The following ATP13A4 variants were observed in gnomAD, a reference collection of about 807,000 sequenced individuals.
ATP13A4 encodes the protein probable cation-transporting ATPase 13A4.
Under a neutral mutation model 142.5 loss-of-function variants are expected in ATP13A4, and 114 were observed. The ratio of observed to expected loss-of-function variants is 0.80; its 90% CI spans 0.69 to 0.93. The LOEUF is 0.93. ATP13A4 is among the 40% of genes least tolerant of loss of function. The pLI, the probability that ATP13A4 is intolerant of heterozygous loss-of-function variation, is 0.00. For synonymous variants in ATP13A4, 488 were observed against 514.8 expected (o/e 0.95, Z 0.70); for missense variants, 1,392 against 1,454.0 (o/e 0.96, Z 0.69).
At chr3:193,495,973 C>T (rs1720201963) in intron 3 of ATP13A4, among the ~76,000 whole-genome samples, 1 of 152,042 alleles carries the variant, frequency 6.6e-6, no homozygotes, top group South Asian at 2.1e-4. Flanking sequence ...TTGGCAATGG[C>T]TACAAAAAAA....
intron 8 of ATP13A4, among the ~76,000 whole-genome samples, chr3:193,482,719 A>C (rs1051337820): frequency 1.3e-5 from 2 of 152,238 alleles, no homozygotes; most frequent in African/African-American, 4.8e-5. Context: ...CACACACCAA[A>C]GTGGCCAAAA....
chr3:193,527,660 C>T (rs189458876), intron 1 of ATP13A4, among the ~76,000 whole-genome samples: 1 of 151,868 alleles, frequency 6.6e-6, no homozygotes, highest in East Asian at 1.9e-4. Context: ...GCCTTCCTGC[C>T]GCCATGTAAG....
At chr3:193,491,780 C>CT (rs1170139478) in intron 5 of ATP13A4, among the ~76,000 whole-genome samples, 5 of 152,108 alleles carry the variant, frequency 3.3e-5, no homozygotes, top group Non-Finnish European at 7.4e-5. Flanking sequence ...AGAGAAATTA[C>CT]TTTTATTGAT....
intron 1 of ATP13A4, among the ~76,000 whole-genome samples, chr3:193,517,354 A>G (rs1029822836): frequency 6.6e-6 from 1 of 152,250 alleles, no homozygotes; most frequent in African/African-American, 2.4e-5. Flanking sequence ...GGTTACATGG[A>G]GAGATAACCA....
chr3:193,584,376 G>C (rs1475913152), intron 1 of ATP13A4, among the ~76,000 whole-genome samples: 1 of 152,076 alleles, frequency 6.6e-6, no homozygotes, highest in East Asian at 1.9e-4. Flanking sequence ...AAATAAAAAA[G>C]GATTCTTCCC....
chr3:193,465,986 A>C (rs762186661), intron 11 of ATP13A4, 39 bp downstream of exon 11: 1 of 1,607,108 alleles, frequency 6.2e-7, no homozygotes, highest in Admixed American at 1.7e-5. Context: ...TACAGAGATG[A>C]GTGTGTGTGC....
chr3:193,466,533 G>A (rs1423226050), intron 10 of ATP13A4, among the ~76,000 whole-genome samples: 1 of 152,170 alleles, frequency 6.6e-6, no homozygotes, highest in African/African-American at 2.4e-5. Flanking sequence ...GAAATTAAGT[G>A]GTCCAGTAAA....
At chr3:193,573,292 C>CATATATATATATACACATAT (rs1553862259) in intron 2 of ATP13A4, among the ~76,000 whole-genome samples, 1 of 107,888 alleles carries the variant, frequency 9.3e-6, no homozygotes, top group African/African-American at 4.6e-5. Context: ...TATATATACA[C>CATATATATATATACACATAT]ATATATATAT....
At chr3:193,436,967 G>A (rs1433085855) in intron 23 of ATP13A4, among the ~76,000 whole-genome samples, 3 of 148,646 alleles carry the variant, frequency 2.0e-5, no homozygotes, top group African/African-American at 7.8e-5. Context: ...AGCCGGGCGT[G>A]GTGGCGGGCG....
At position 193,554,510 on chromosome 3, in the gene ATP13A4, A is replaced by C. The variant is rs374456532; in HGVS notation, c.60+230T>G. ...TCTTTAAAAAGAAAACATTCTTGAC[A>C]AGATGAATACAATATTTTCATTCTA... On this transcript the variant is annotated intron_variant, in intron 1 of 29. Coordinates refer to ENST00000342695, the MANE Select transcript of ATP13A4 (RefSeq NM_032279.4). 3.6e-5 allele frequency: 22 copies of C among 603,002 alleles called. No individual in the cohort carries two copies. In the African/African-American group the frequency reaches 3.9e-4, roughly 11 times the overall value. 37.4% of individuals were successfully genotyped at this position (603,002 alleles called of 1,614,324 possible). A position where few individuals can be genotyped will look rare whatever the true frequency, so the allele number is the denominator to read the frequency against.
At chr3:193,502,726 T>A in intron 2 of ATP13A4, 87 bp from the exon 3 acceptor site, 1 of 1,364,000 alleles carries the variant, frequency 7.3e-7, no homozygotes, top group Non-Finnish European at 1.0e-6. Flanking sequence ...TTTAATATAA[T>A]TCTGTAAGTG....
At chr3:193,407,002 T>C (rs1714530161) in intron 29 of ATP13A4, among the ~76,000 whole-genome samples, 1 of 152,222 alleles carries the variant, frequency 6.6e-6, no homozygotes, top group Admixed American at 6.5e-5. Context: ...GTGAATGTTA[T>C]GGTGCGTGAA....
Position 193,461,709 on chromosome 3 carries a change from T to C in ATP13A4, c.1523+1053A>G, listed in dbSNP as rs147540710. Among the ~76,000 whole-genome samples the C allele has an allele frequency of 7.1e-3, 1,078 of 152,328 alleles. 20 individuals carry two copies. The highest frequency in any genetic ancestry group is 0.025 in the African/African-American group (1,021 of 41,580). On this transcript the variant is annotated intron_variant, in intron 13 of 29. Transcript: ENST00000342695. ...GTACAAAATGCTTTGTGATTTAAGT[T>C]ATAAGTGTTAGAGGAAAAAACTTTC...
chr3:193,515,260 T>A (rs916492566), intron 1 of ATP13A4, among the ~76,000 whole-genome samples: 5 of 152,216 alleles, frequency 3.3e-5, no homozygotes, highest in Non-Finnish European at 5.9e-5. Flanking sequence ...AGTGGCAGAA[T>A]GGGATGATGT....
chr3:193,473,825 G>A (rs556475745), intron 8 of ATP13A4, among the ~76,000 whole-genome samples: 1 of 152,094 alleles, frequency 6.6e-6, no homozygotes, highest in Non-Finnish European at 1.5e-5. Context: ...CAAAGTCACA[G>A]AATTCAACTA....
At chr3:193,412,038 T>C in intron 27 of ATP13A4, 140 bp downstream of exon 27, 1 of 735,078 alleles carries the variant, frequency 1.4e-6, no homozygotes, top group South Asian at 1.5e-5. Context: ...GGCTGTACGA[T>C]GTGTTTTGCA....
chr3:193,458,749 T>A, intron 14 of ATP13A4: 1 of 512,744 alleles, frequency 2.0e-6, no homozygotes, highest in Non-Finnish European at 3.5e-6. Flanking sequence ...AACCAGACAA[T>A]GCTCGGAGAA....
At chr3:193,529,743 C>A (rs1722215923) in intron 1 of ATP13A4, among the ~76,000 whole-genome samples, 1 of 152,076 alleles carries the variant, frequency 6.6e-6, no homozygotes, top group African/African-American at 2.4e-5. Context: ...TAACAGTAGC[C>A]AAATTTTTTG....
At chr3:193,568,185 T>C (rs1724182301) in intron 2 of ATP13A4, among the ~76,000 whole-genome samples, 1 of 152,080 alleles carries the variant, frequency 6.6e-6, no homozygotes, top group Non-Finnish European at 1.5e-5. Flanking sequence ...GGTCTCAAAC[T>C]CCTGACCTCA....
Sources: gnomAD v4.1 joint callset for allele counts (sites outside exome capture counted in the v4.1 genomes callset) on GRCh38, gnomAD v4.1.1 for gene constraint, MANE v1.5 for transcripts, NCBI Gene and HGNC (gene_info 2026-07-23, HGNC 2026-07-21) for gene names.